The following ALG5 variants were observed in gnomAD, a reference collection of about 807,000 sequenced individuals.
ALG5 encodes the protein dolichyl-phosphate beta-glucosyltransferase.
ALG5 carries 26 observed loss-of-function variants against 51.8 expected under a neutral mutation model. The observed-to-expected ratio is 0.50, with a 90% CI of 0.37 to 0.70. The LOEUF is 0.70. Ranked by LOEUF, ALG5 falls within the 30% of genes least tolerant of loss-of-function variation. The pLI is 0.00. For synonymous variants in ALG5, 141 were observed against 136.1 expected (o/e 1.04, Z -0.25); for missense variants, 311 against 399.3 (o/e 0.78, Z 1.88).
intron 5 of ALG5, among the ~76,000 whole-genome samples, chr13:36,989,071 C>T (rs1272952327): frequency 6.6e-6 from 1 of 152,078 alleles, no homozygotes; most frequent in Admixed American, 6.6e-5. Context: ...CTTACCTTTC[C>T]TATTAGACTG....
At position 36,999,329 on chromosome 13, in the gene ALG5, C is replaced by A; in HGVS notation, c.-29G>T. 6.4e-7 allele frequency: 1 copy of A among 1,557,636 alleles called. No homozygotes were observed. Among genetic ancestry groups the A allele is most frequent in the African/African-American group, 1.4e-5 (1 of 70,778 alleles). ...CCATGCCGTGGCAGCCCGCCCAATCCCGCACCTCCACACAGGCGGAAGCGC... is the reference window on the plus strand; with the variant it reads ...CCATGCCGTGGCAGCCCGCCCAATCACGCACCTCCACACAGGCGGAAGCGC... On this transcript the variant is annotated 5_prime_UTR_variant, in exon 1 of 10. Coordinates refer to ENST00000239891, the MANE Select transcript of ALG5 (RefSeq NM_013338.5).
At chr13:36,978,482 C>T (rs941127347) in intron 6 of ALG5, among the ~76,000 whole-genome samples, 2 of 151,900 alleles carry the variant, frequency 1.3e-5, no homozygotes, top group Non-Finnish European at 2.9e-5. Context: ...CCACTGTGCC[C>T]GGTCCTCAGT....
At chr13:36,958,684 C>T (rs547783790) in intron 8 of ALG5, among the ~76,000 whole-genome samples, 5 of 152,242 alleles carry the variant, frequency 3.3e-5, no homozygotes, top group South Asian at 2.1e-4. Context: ...TTTCCTAGGC[C>T]GACTAAGAAT....
chr13:36,958,433 TG>T (rs2058850510), intron 8 of ALG5, among the ~76,000 whole-genome samples: 1 of 152,186 alleles, frequency 6.6e-6, no homozygotes, highest in Non-Finnish European at 1.5e-5. Context: ...AAACTACAAG[TG>T]GTTCTTCAAA....
intron 5 of ALG5, among the ~76,000 whole-genome samples, chr13:36,988,573 T>C (rs545408773): frequency 1.3e-5 from 2 of 152,348 alleles, no homozygotes; most frequent in South Asian, 4.1e-4. Flanking sequence ...ACTCTACCTC[T>C]TATCATCTGA....
chr13:36,995,967 C>A (rs181232184), intron 1 of ALG5, among the ~76,000 whole-genome samples: 53 of 152,270 alleles, frequency 3.5e-4, no homozygotes, highest in Non-Finnish European at 7.2e-4. Context: ...CATAGAGACA[C>A]ACACACATAT....
chr13:36,985,169 A>C (rs2078022), intron 6 of ALG5, among the ~76,000 whole-genome samples: 52,124 of 151,392 alleles, frequency 0.34, 10,311 homozygotes, highest in East Asian at 0.72. Context: ...CTAGGATTTT[A>C]TTTCTTTCCT....
At chr13:36,963,767 T>C (rs1252227062) in intron 8 of ALG5, among the ~76,000 whole-genome samples, 1 of 152,314 alleles carries the variant, frequency 6.6e-6, no homozygotes, top group African/African-American at 2.4e-5. Context: ...CATATATTTC[T>C]AGGAAGACAA....
chr13:36,983,628 G>A (rs893389213), intron 6 of ALG5, among the ~76,000 whole-genome samples: 6 of 151,742 alleles, frequency 4.0e-5, no homozygotes, highest in African/African-American at 1.2e-4. Flanking sequence ...CAATGAAACT[G>A]AGGAACTAAA....
chr13:36,980,044 C>G (rs549913419), intron 6 of ALG5, among the ~76,000 whole-genome samples: 1 of 152,094 alleles, frequency 6.6e-6, no homozygotes, highest in South Asian at 2.1e-4. Context: ...GAGACCTTGT[C>G]TCAAAAAATA....
chr13:36,984,984 T>C (rs1382915055), intron 6 of ALG5, among the ~76,000 whole-genome samples: 3 of 152,120 alleles, frequency 2.0e-5, no homozygotes, highest in Admixed American at 6.5e-5. Context: ...GGTAGGTATA[T>C]TGTTTGACAT....
chr13:36,965,427 A>G, intron 8 of ALG5, 148 bp downstream of exon 8: 1 of 803,990 alleles, frequency 1.2e-6, no homozygotes, highest in Non-Finnish European at 1.9e-6. Flanking sequence ...ACTCAGGAAA[A>G]GTATAAAGGC....
chr13:36,965,726 G>A lies in ALG5; in HGVS notation c.622C>T (p.Arg208Cys). The A allele has an allele frequency of 1.2e-6, 2 of 1,606,422 alleles. No individual in the cohort carries two copies. Among genetic ancestry groups the A allele is most frequent in the Non-Finnish European group, 1.7e-6 (2 of 1,177,744 alleles). Residue 208 changes from arginine (R) to cysteine (C), a missense_variant and splice_region_variant, in exon 8 of 10, where the codon CGT becomes TGT. By Grantham distance (180) the Arg-to-Cys change is radical. Coordinates refer to ENST00000239891, the MANE Select transcript of ALG5 (RefSeq NM_013338.5). ...ATGAGAAGAGTACGGAAGTAAGAAC[G>A]CTGAAAACAAAGACAAAATATAAAT... ...AHLEKESIAQ[R>C]SYFRTLLMYG...
chr13:36,992,155 T>C (rs2059028262), intron 4 of ALG5, among the ~76,000 whole-genome samples: 1 of 152,244 alleles, frequency 6.6e-6, no homozygotes, highest in South Asian at 2.1e-4. Context: ...CACTCTATGA[T>C]ATAGTTCCTA....
At position 36,985,589 on chromosome 13, in the gene ALG5, T is replaced by C. The variant is rs146666302; in HGVS notation, c.561+38A>G. On this transcript the variant is annotated intron_variant, in intron 6 of 9. Coordinates refer to ENST00000239891, the MANE Select transcript of ALG5 (RefSeq NM_013338.5). ...ACTTTACTTTAGCTCTCCTGCATTC[T>C]TGACTGAATGTTATTTAAACTACAT... The C allele has an allele frequency of 2.6e-6, 4 of 1,514,126 alleles. No homozygotes were observed. The East Asian group carries it at 9.0e-5, about 34-fold the overall frequency. 93.8% of individuals were successfully genotyped at this position (1,514,126 alleles called of 1,614,324 possible).
rs1593670994 is a variant in ALG5 at position 36,974,169 on chromosome 13, C to T, written c.562-2133G>A. Among the ~76,000 whole-genome samples the T allele has an allele frequency of 5.3e-5, 8 of 152,056 alleles. No homozygotes were observed. The South Asian group carries it at 1.7e-3, about 31-fold the overall frequency. On this transcript the variant is annotated intron_variant, in intron 6 of 9. Coordinates refer to ENST00000239891, the MANE Select transcript of ALG5 (RefSeq NM_013338.5). ...ACATTGTTAAGTAGAAACAAGAGAA[C>T]ACTGTATAGTACCACACTTTGCAAT...
At chr13:36,965,453 T>C in intron 8 of ALG5, 122 bp downstream of exon 8, 4 of 1,045,664 alleles carry the variant, frequency 3.8e-6, no homozygotes, top group Non-Finnish European at 5.5e-6. Context: ...CAAGTTTACA[T>C]ACATTATTGT....
intron 8 of ALG5, among the ~76,000 whole-genome samples, chr13:36,957,545 C>T (rs950157998): frequency 1.4e-4 from 22 of 152,008 alleles, no homozygotes; most frequent in African/African-American, 5.1e-4. Context: ...CCACAATCCT[C>T]AGGAAGAGTC....
At chr13:36,960,983 G>A (rs2181788) in intron 8 of ALG5, among the ~76,000 whole-genome samples, 1 of 151,834 alleles carries the variant, frequency 6.6e-6, no homozygotes, top group Non-Finnish European at 1.5e-5. Context: ...GAATTTAGGT[G>A]AAGTACAGCT....
Sources: gnomAD v4.1 joint callset for allele counts (sites outside exome capture counted in the v4.1 genomes callset) on GRCh38, gnomAD v4.1.1 for gene constraint, MANE v1.5 for transcripts, NCBI Gene and HGNC (gene_info 2026-07-23, HGNC 2026-07-21) for gene names.